Variants in ZNF69 observed in about 807,000 individuals in gnomAD.
ZNF69 encodes zinc finger protein 69.
Under a neutral mutation model 50.9 loss-of-function variants are expected in ZNF69, and 47 were observed. The ratio of observed to expected loss-of-function variants is 0.92; its 90% CI spans 0.73 to 1.18. The LOEUF is 1.18. ZNF69 is among the 50% of genes most tolerant of loss of function. The pLI, the probability that ZNF69 is intolerant of heterozygous loss-of-function variation, is 0.00. For synonymous variants in ZNF69, 216 were observed against 223.1 expected (o/e 0.97, Z 0.29); for missense variants, 717 against 675.1 (o/e 1.06, Z -0.69).
At chr19:11,950,266 T>A in the ZNF69 span, 31 of 1,600,782 alleles carry the variant, frequency 1.9e-5, no homozygotes, top group South Asian at 3.1e-4. Context: ...TGGTTCCTTT[T>A]ATGGACATGA....
the ZNF69 span, among the ~76,000 whole-genome samples, chr19:11,921,175 C>CA: frequency 6.7e-6 from 1 of 149,688 alleles, no homozygotes; most frequent in East Asian, 1.9e-4. Flanking sequence ...TTCTTTTCTC[C>CA]TTTTTTTTTT....
chr19:11,927,055 T>C, the ZNF69 span, among the ~76,000 whole-genome samples: 24 of 152,172 alleles, frequency 1.6e-4, no homozygotes, highest in African/African-American at 5.8e-4. Flanking sequence ...GAAGAGAGTT[T>C]ATTGAAAGCT....
chr19:11,934,315 G>A, the ZNF69 span, among the ~76,000 whole-genome samples: 2 of 147,834 alleles, frequency 1.4e-5, no homozygotes, highest in East Asian at 3.9e-4. Flanking sequence ...TTGTAGGATT[G>A]AGACTACTGA....
chr19:11,950,151 C>G, the ZNF69 span: 1 of 1,613,732 alleles, frequency 6.2e-7, no homozygotes, highest in Non-Finnish European at 8.5e-7. Context: ...GTAAGGAATG[C>G]GGAAAAGCAT....
the ZNF69 span, among the ~76,000 whole-genome samples, chr19:11,945,923 G>C: frequency 1.3e-5 from 2 of 152,100 alleles, no homozygotes; most frequent in Non-Finnish European, 2.9e-5. Flanking sequence ...CAGAAAGCTT[G>C]TTTTGCCGAG....
the ZNF69 span, among the ~76,000 whole-genome samples, chr19:11,965,538 G>A: frequency 3.0e-4 from 46 of 152,366 alleles, no homozygotes; most frequent in South Asian, 8.9e-3. Context: ...TGACTCGTGT[G>A]TAGGGTTCGT....
chr19:11,907,324 C>T (rs571042085), downstream of ZNF69, among the ~76,000 whole-genome samples: 157 of 152,116 alleles, frequency 1.0e-3, no homozygotes, highest in Non-Finnish European at 1.9e-3. Context: ...ATACAGAGAA[C>T]GCCACAAAGA....
At chr19:11,956,664 T>C in the ZNF69 span, 3 of 396,608 alleles carry the variant, frequency 7.6e-6, no homozygotes, top group Non-Finnish European at 8.9e-6. Flanking sequence ...GATACCAACC[T>C]GGCCAAAATG....
chr19:11,947,602 T>A, the ZNF69 span: 4 of 1,591,066 alleles, frequency 2.5e-6, no homozygotes, highest in Middle Eastern at 5.0e-4. Context: ...GAGAAAGCAG[T>A]GTCTCTCTGC....
At chr19:11,978,931 G>A in the ZNF69 span, 2 of 1,614,070 alleles carry the variant, frequency 1.2e-6, no homozygotes, top group Non-Finnish European at 1.7e-6. Context: ...AGTCACACGG[G>A]AGAGAAGCCT....
At chr19:11,917,066 G>A (rs1972528733), downstream of ZNF69, among the ~76,000 whole-genome samples, 1 of 152,218 alleles carries the variant, frequency 6.6e-6, no homozygotes, top group Admixed American at 6.5e-5. Context: ...CCCAGGTCTA[G>A]ATGCAGTTGC....
chr19:11,890,117 A>C (rs1480589244), intron 1 of ZNF69, among the ~76,000 whole-genome samples: 1 of 152,198 alleles, frequency 6.6e-6, no homozygotes. Flanking sequence ...AGCAGGAGAC[A>C]GAAGCCTTCC....
At chr19:11,897,602 G>A (rs1336706924) in intron 1 of ZNF69, among the ~76,000 whole-genome samples, 3 of 150,772 alleles carry the variant, frequency 2.0e-5, no homozygotes, top group African/African-American at 7.3e-5. Context: ...GTCAGGTGCG[G>A]TAGCTCACGT....
At chr19:11,924,979 C>A in the ZNF69 span, 1 of 464,696 alleles carries the variant, frequency 2.2e-6, no homozygotes. Flanking sequence ...TCTGGCTCTG[C>A]GGGGCCTGAT....
the ZNF69 span, among the ~76,000 whole-genome samples, chr19:11,930,020 A>G: frequency 1.4e-5 from 2 of 147,876 alleles, 1 homozygote; most frequent in African/African-American, 5.3e-5. Context: ...TAGCTGACCC[A>G]AGACCCCCAC....
the ZNF69 span, among the ~76,000 whole-genome samples, chr19:11,921,157 G>C: frequency 1.3e-5 from 2 of 152,048 alleles, no homozygotes; most frequent in Non-Finnish European, 2.9e-5. Context: ...ACTAACAAAT[G>C]TCTGGATTTC....
chr19:11,918,730 C>T (rs1972542156), downstream of ZNF69, among the ~76,000 whole-genome samples: 1 of 152,090 alleles, frequency 6.6e-6, no homozygotes, highest in South Asian at 2.1e-4. Flanking sequence ...GCTAGGATTG[C>T]AGACATGATC....
Position 11,904,866 on chromosome 19 carries a change from C to A in ZNF69, c.469C>A (p.Gln157Lys). The A allele has an allele frequency of 1.2e-6, 2 of 1,614,122 alleles. No individual in the cohort carries two copies. Among genetic ancestry groups the A allele is most frequent in the Non-Finnish European group, 1.7e-6 (2 of 1,180,026 alleles). The change falls in exon 4 of 4, where the codon CAG (glutamine) becomes AAG (lysine). Residue 157 changes from glutamine (Q) to lysine (K), a missense_variant. By Grantham distance (53) the Gln-to-Lys change is moderately conservative. Coordinates refer to ENST00000429654, the MANE Select transcript of ZNF69 (RefSeq NM_001364730.1). ...GDIGHKAYEY[Q>K]EYGPKPCKCQ... ...CATTGGACACAAGGCCTATGAGTAT[C>A]AGGAATATGGACCGAAGCCATGTAA...
downstream of ZNF69, among the ~76,000 whole-genome samples, chr19:11,917,292 GACTC>G (rs1370393883): frequency 1.3e-5 from 2 of 152,210 alleles, no homozygotes; most frequent in Admixed American, 1.3e-4. Flanking sequence ...ACCTTCCACT[GACTC>G]ACAGTGAGCG....
Sources: gnomAD v4.1 joint callset for allele counts (sites outside exome capture counted in the v4.1 genomes callset) on GRCh38, gnomAD v4.1.1 for gene constraint, MANE v1.5 for transcripts, NCBI Gene and HGNC (gene_info 2026-07-23, HGNC 2026-07-21) for gene names.